Variants in CNTN5 observed in about 807,000 individuals in gnomAD.
CNTN5 encodes contactin 5.
CNTN5 carries 77 observed loss-of-function variants against 129.1 expected under a neutral mutation model. The ratio of observed to expected loss-of-function variants is 0.60; its 90% CI spans 0.50 to 0.72. CNTN5 has a LOEUF of 0.72. Ranked by LOEUF, CNTN5 falls within the 30% of genes least tolerant of loss-of-function variation. CNTN5 has a pLI of 0.00. For synonymous variants in CNTN5, 509 were observed against 465.6 expected, an observed-to-expected ratio of 1.09 and a Z score of -1.20; for missense variants, 1,478 against 1,328.8, an observed-to-expected ratio of 1.11 and a Z score of -1.75.
At position 99,080,980 on chromosome 11, in the gene CNTN5, GTT is replaced by G. The variant is rs766619743; in HGVS notation, c.-210+59728_-210+59729del. Reference sequence around the variant, plus strand: ...TTGTTGCCCACCTACTGAGAAATCAGTTTTTTTTTTTTTTTTTTTCAGAAGAA... The same window carrying G: ...TTGTTGCCCACCTACTGAGAAATCAGTTTTTTTTTTTTTTTTTCAGAAGAA... On this transcript the variant is annotated intron_variant, in intron 1 of 24. Coordinates refer to ENST00000524871, the MANE Select transcript of CNTN5 (RefSeq NM_014361.4). Among the ~76,000 whole-genome samples the G allele has an allele frequency of 2.1e-3, 240 of 112,434 alleles. 1 individual carries two copies. Among genetic ancestry groups the G allele is most frequent in the African/African-American group, 7.2e-3 (217 of 30,018 alleles). 73.8% of individuals were successfully genotyped at this position (112,434 alleles called of 152,430 possible).
intron 4 of CNTN5, among the ~76,000 whole-genome samples, chr11:99,826,660 G>A (rs1185665669): frequency 6.6e-6 from 1 of 152,160 alleles, no homozygotes; most frequent in Non-Finnish European, 1.5e-5. Context: ...GGGTAAGAGA[G>A]AACACTCCTA....
intron 1 of CNTN5, among the ~76,000 whole-genome samples, chr11:99,047,040 A>G (rs1864238938): frequency 1.3e-5 from 2 of 152,016 alleles, no homozygotes; most frequent in Non-Finnish European, 2.9e-5. Flanking sequence ...AAAACAGTAT[A>G]ATTCTGCTGT....
intron 3 of CNTN5, among the ~76,000 whole-genome samples, chr11:99,738,700 G>A (rs1163054176): frequency 6.6e-6 from 1 of 151,294 alleles, no homozygotes; most frequent in East Asian, 2.0e-4. Flanking sequence ...GAAATGTTGA[G>A]TGAGAAATGA....
chr11:99,304,806 G>A (rs1864798755), intron 1 of CNTN5, among the ~76,000 whole-genome samples: 1 of 152,134 alleles, frequency 6.6e-6, no homozygotes, highest in Non-Finnish European at 1.5e-5. Context: ...CATCTCTATT[G>A]TGAGGTTCAC....
At chr11:99,262,772 C>T (rs1235953640) in intron 1 of CNTN5, among the ~76,000 whole-genome samples, 2 of 151,770 alleles carry the variant, frequency 1.3e-5, no homozygotes, top group Non-Finnish European at 2.9e-5. Flanking sequence ...AAATTGAATT[C>T]TTTTATTTAA....
intron 3 of CNTN5, among the ~76,000 whole-genome samples, chr11:99,752,652 T>G (rs1371222767): frequency 1.3e-5 from 2 of 152,246 alleles, no homozygotes; most frequent in Non-Finnish European, 2.9e-5. Context: ...TTTGAGTTTA[T>G]TATTTATAGT....
At chr11:99,593,390 T>C (rs980490227) in intron 3 of CNTN5, among the ~76,000 whole-genome samples, 4 of 152,156 alleles carry the variant, frequency 2.6e-5, no homozygotes, top group African/African-American at 9.7e-5. Context: ...AAAGGAACTG[T>C]CAGTTGTTTG....
intron 10 of CNTN5, among the ~76,000 whole-genome samples, chr11:100,063,302 A>G (rs1943556810): frequency 1.3e-5 from 2 of 151,980 alleles, no homozygotes; most frequent in African/African-American, 4.8e-5. Context: ...TACTTAAACA[A>G]TCTGGGGTGT....
intron 3 of CNTN5, among the ~76,000 whole-genome samples, chr11:99,686,427 ATTAG>A (rs747279087): frequency 4.6e-5 from 7 of 151,984 alleles, no homozygotes; most frequent in African/African-American, 1.7e-4. Context: ...TATTTTCTAT[ATTAG>A]TTCTTTGATA....
chr11:99,024,165 TA>T (rs1338223984), intron 1 of CNTN5, among the ~76,000 whole-genome samples: 1 of 152,162 alleles, frequency 6.6e-6, no homozygotes, highest in Non-Finnish European at 1.5e-5. Flanking sequence ...GATTTAAGAT[TA>T]AAAACTATTA....
chr11:99,177,927 A>C (rs1857857826), intron 1 of CNTN5, among the ~76,000 whole-genome samples: 1 of 152,186 alleles, frequency 6.6e-6, no homozygotes, highest in African/African-American at 2.4e-5. Context: ...CATCAAAAGC[A>C]GCAGCAGCAG....
At chr11:99,959,667 C>T (rs1187928709) in intron 8 of CNTN5, among the ~76,000 whole-genome samples, 1 of 151,992 alleles carries the variant, frequency 6.6e-6, no homozygotes, top group Admixed American at 6.6e-5. Context: ...CTTTTACAAA[C>T]GTCTATATTT....
At chr11:99,247,994 G>A (rs1273180418) in intron 1 of CNTN5, among the ~76,000 whole-genome samples, 1 of 152,124 alleles carries the variant, frequency 6.6e-6, no homozygotes, top group Non-Finnish European at 1.5e-5. Flanking sequence ...GGATGGCTGG[G>A]TCAAATGGTA....
chr11:99,451,008 C>T (rs1049411278), intron 2 of CNTN5, among the ~76,000 whole-genome samples: 1 of 151,856 alleles, frequency 6.6e-6, no homozygotes, highest in Non-Finnish European at 1.5e-5. Flanking sequence ...TAAGCTTACC[C>T]CATTTGTGAT....
chr11:99,829,517 G>C (rs1947070551), intron 4 of CNTN5, among the ~76,000 whole-genome samples: 1 of 152,160 alleles, frequency 6.6e-6, no homozygotes, highest in African/African-American at 2.4e-5. Flanking sequence ...AAATAAAGAA[G>C]AGAAATGGAG....
At chr11:99,033,564 CTGTT>C (rs1174301964) in intron 1 of CNTN5, among the ~76,000 whole-genome samples, 1 of 152,032 alleles carries the variant, frequency 6.6e-6, no homozygotes, top group Admixed American at 6.6e-5. Context: ...AATTGGCTCT[CTGTT>C]TGTCTGTTGT....
intron 18 of CNTN5, among the ~76,000 whole-genome samples, chr11:100,287,060 A>G (rs1207894583): frequency 6.6e-6 from 1 of 152,152 alleles, no homozygotes; most frequent in Non-Finnish European, 1.5e-5. Context: ...TAGAGAAAAA[A>G]GAATAAAAAG....
intron 2 of CNTN5, among the ~76,000 whole-genome samples, chr11:99,534,388 G>A (rs1947825897): frequency 6.6e-6 from 1 of 152,160 alleles, no homozygotes; most frequent in Admixed American, 6.5e-5. Context: ...CATTTAAATA[G>A]TTTTATCTGG....
chr11:99,528,204 A>G (rs1257290818), intron 2 of CNTN5, among the ~76,000 whole-genome samples: 1 of 152,202 alleles, frequency 6.6e-6, no homozygotes, highest in Non-Finnish European at 1.5e-5. Context: ...AATTCTTTAC[A>G]TATTTAAAGA....
Sources: gnomAD v4.1 joint callset for allele counts (sites outside exome capture counted in the v4.1 genomes callset) on GRCh38, gnomAD v4.1.1 for gene constraint, MANE v1.5 for transcripts, NCBI Gene and HGNC (gene_info 2026-07-23, HGNC 2026-07-21) for gene names.